Variants in SYCP2 observed in about 807,000 individuals in gnomAD.
The protein encoded by SYCP2 is synaptonemal complex lateral element protein.
A neutral mutation model predicts 211.3 loss-of-function variants in SYCP2; 55 were observed. The observed-to-expected ratio is 0.26, with a 90% CI of 0.21 to 0.33. SYCP2 has a LOEUF of 0.33. Among genes scored for constraint, SYCP2 ranks in the 10% least tolerant of loss-of-function variants. The probability of loss-of-function intolerance (pLI) is 1.00; values close to 1 mark genes in which losing one functional copy is unlikely to be tolerated. For synonymous variants in SYCP2, 570 were observed against 555.2 expected, an observed-to-expected ratio of 1.03 and a Z score of -0.37; for missense variants, 1,731 against 1,752.0, an observed-to-expected ratio of 0.99 and a Z score of 0.21.
At chr20:59,928,492 G>T (rs2060674413) in intron 2 of SYCP2, among the ~76,000 whole-genome samples, 1 of 152,058 alleles carries the variant, frequency 6.6e-6, no homozygotes, top group African/African-American at 2.4e-5. Flanking sequence ...AAACATGTAT[G>T]GAGGAATAAT....
chr20:59,912,505 A>C (rs532646732), intron 12 of SYCP2, 87 bp from the exon 13 acceptor site: 1 of 513,814 alleles, frequency 1.9e-6, no homozygotes, highest in Non-Finnish European at 3.4e-6. Flanking sequence ...CTAGAATCAA[A>C]AGGAAATCAG....
chr20:59,913,377 G>A (rs1228458596), intron 12 of SYCP2, among the ~76,000 whole-genome samples: 1 of 152,042 alleles, frequency 6.6e-6, no homozygotes, highest in African/African-American at 2.4e-5. Flanking sequence ...AATTTCTTTA[G>A]TAAGTAAAAT....
Position 59,865,671 on chromosome 20 carries a change from G to T in SYCP2, c.4380-20C>A. On this transcript the variant is annotated intron_variant, in intron 42 of 44. Coordinates refer to ENST00000357552, the MANE Select transcript of SYCP2 (RefSeq NM_014258.4). ...TGAAGCCTAAGAAGTAAAATAATGA[G>T]TTAACCTTGTATTTATCAATAATTC... The T allele has an allele frequency of 6.6e-7, 1 of 1,520,676 alleles. No homozygotes were observed. The highest frequency in any genetic ancestry group is 9.0e-7 in the Non-Finnish European group (1 of 1,112,010). 94.2% of individuals were successfully genotyped at this position (1,520,676 alleles called of 1,614,324 possible). A position where few individuals can be genotyped will look rare whatever the true frequency, so the allele number is the denominator to read the frequency against.
intron 17 of SYCP2, among the ~76,000 whole-genome samples, 167 bp from the exon 18 acceptor site, chr20:59,900,451 A>AT (rs1338675699): frequency 4.6e-5 from 7 of 152,114 alleles, no homozygotes; most frequent in East Asian, 1.9e-4. Context: ...AAAAGTATCC[A>AT]TTTTTTCAAA....
chr20:59,893,515 G>A lies in SYCP2; in HGVS notation c.1735+9C>T. The A allele has an allele frequency of 6.3e-7, 1 of 1,578,308 alleles. No individual in the cohort carries two copies. The highest frequency in any genetic ancestry group is 2.3e-5 in the East Asian group (1 of 44,366). Reference sequence around the variant, plus strand: ...AAAAAATGACTAAATTAAACCACAAGGTACTTACTAAAATTTTGGTTTGGG... The same window carrying A: ...AAAAAATGACTAAATTAAACCACAAAGTACTTACTAAAATTTTGGTTTGGG... On this transcript the variant is annotated intron_variant, in intron 21 of 44. Coordinates refer to ENST00000357552, the MANE Select transcript of SYCP2 (RefSeq NM_014258.4).
At chr20:59,896,711 G>T (rs1265720053) in intron 18 of SYCP2, among the ~76,000 whole-genome samples, 183 bp from the exon 19 acceptor site, 1 of 151,964 alleles carries the variant, frequency 6.6e-6, no homozygotes, top group East Asian at 1.9e-4. Context: ...TTCATGTTTG[G>T]TATTAAATAA....
intron 18 of SYCP2, among the ~76,000 whole-genome samples, chr20:59,898,407 T>C (rs937658899): frequency 9.2e-5 from 14 of 152,334 alleles, no homozygotes; most frequent in African/African-American, 3.4e-4. Flanking sequence ...GATGAGTTCA[T>C]GTCTTTTGCT....
intron 12 of SYCP2, among the ~76,000 whole-genome samples, chr20:59,913,253 A>C (rs2060366185): frequency 6.6e-6 from 1 of 152,216 alleles, no homozygotes; most frequent in Non-Finnish European, 1.5e-5. Flanking sequence ...ATAACAGCTA[A>C]GGAAACTGAG....
chr20:59,892,443 G>A lies in SYCP2; in HGVS notation c.1928-17C>T. ...TAACAATATCTATTGGGGAAAATGA[G>A]AAATTAATTCTTTTTAAATTAATAA... On this transcript the variant is annotated splice_polypyrimidine_tract_variant and intron_variant, in intron 23 of 44. Transcript: ENST00000357552. The A allele has an allele frequency of 2.7e-6, 4 of 1,462,352 alleles. No individual in the cohort carries two copies. Among genetic ancestry groups the A allele is most frequent in the Non-Finnish European group, 2.8e-6 (3 of 1,088,830 alleles). 90.6% of individuals were successfully genotyped at this position (1,462,352 alleles called of 1,614,324 possible). A position where few individuals can be genotyped will look rare whatever the true frequency, so the allele number is the denominator to read the frequency against.
intron 20 of SYCP2, among the ~76,000 whole-genome samples, chr20:59,894,668 G>A (rs2059974722): frequency 6.6e-6 from 1 of 151,832 alleles, no homozygotes; most frequent in Non-Finnish European, 1.5e-5. Context: ...CCATTACCTT[G>A]CACATAGCTT....
chr20:59,877,682 C>T, intron 32 of SYCP2, 127 bp from the exon 33 acceptor site: 1 of 783,410 alleles, frequency 1.3e-6, no homozygotes, highest in Non-Finnish European at 2.0e-6. Context: ...TCTTGATTAA[C>T]ATACTTTAAA....
intron 24 of SYCP2, among the ~76,000 whole-genome samples, chr20:59,889,650 G>A (rs1053369780): frequency 6.6e-6 from 1 of 151,894 alleles, no homozygotes; most frequent in Admixed American, 6.6e-5. Flanking sequence ...AGTTATTAAT[G>A]TCCCCTTAAG....
At chr20:59,881,901 G>T (rs1319848164) in intron 28 of SYCP2, 44 bp downstream of exon 28, 1 of 1,492,736 alleles carries the variant, frequency 6.7e-7, no homozygotes, top group African/African-American at 1.4e-5. Context: ...TAAATGCAAT[G>T]TAACTTCTGA....
intron 33 of SYCP2, among the ~76,000 whole-genome samples, chr20:59,876,945 C>T (rs1196505262): frequency 6.6e-6 from 1 of 152,008 alleles, no homozygotes; most frequent in Non-Finnish European, 1.5e-5. Context: ...ACTTTGCTTT[C>T]AAAAACAGGT....
chr20:59,925,645 A>G (rs544388372), intron 2 of SYCP2, among the ~76,000 whole-genome samples: 3 of 152,170 alleles, frequency 2.0e-5, no homozygotes, highest in South Asian at 2.1e-4. Flanking sequence ...AAAAGAGTCT[A>G]TAACTCTGAC....
intron 41 of SYCP2, 21 bp from the exon 42 acceptor site, chr20:59,865,886 T>G (rs112873712): frequency 9.1e-7 from 1 of 1,097,512 alleles, no homozygotes. Flanking sequence ...TAATAAAATT[T>G]TATTTAGTCC....
At chr20:59,875,567 T>C (rs971630199) in intron 33 of SYCP2, 98 bp from the exon 34 acceptor site, 3 of 879,488 alleles carry the variant, frequency 3.4e-6, no homozygotes, top group Non-Finnish European at 3.4e-6. Context: ...AAATGTTGTA[T>C]ATTACCACAT....
Position 59,896,482 on chromosome 20 carries a change from A to T in SYCP2, c.1451T>A (p.Val484Asp). 6.2e-7 allele frequency: 1 copy of T among 1,611,122 alleles called. No homozygotes were observed. The highest frequency in any genetic ancestry group is 1.1e-5 in the South Asian group (1 of 90,882). ...KRKMSEASMI[V>D]SGADRYTMRS... is the part of the protein sequence containing the mutation. The stretch of plus-strand genomic sequence containing the variant: ...CATAGTGTATCTATCTGCACCAGAA[A>T]CAATCATTGATGCTTCAGACATTTT... Residue 484 changes from valine to aspartate, a missense_variant, in exon 19 of 45, where the codon GTT becomes GAT. Val to Asp is a radical substitution (Grantham distance 152). Around this residue, in one of 3 missense-constraint regions of SYCP2, gnomAD observed 1,387 missense variants for 1,351.3 expected, o/e 1.03. Coordinates refer to ENST00000357552, the MANE Select transcript of SYCP2 (RefSeq NM_014258.4).
intron 2 of SYCP2, among the ~76,000 whole-genome samples, chr20:59,930,051 C>G (rs1230460997): frequency 6.6e-6 from 1 of 152,122 alleles, no homozygotes; most frequent in Non-Finnish European, 1.5e-5. Context: ...TTCTCACTAT[C>G]TCTTATTACT....
Sources: gnomAD v4.1 joint callset for allele counts (sites outside exome capture counted in the v4.1 genomes callset) on GRCh38, gnomAD v4.1.1 for gene constraint, gnomAD v4.1.1 regional missense constraint, MANE v1.5 for transcripts, NCBI Gene and HGNC (gene_info 2026-07-23, HGNC 2026-07-21) for gene names.